Variants in EPB41L4A observed in about 807,000 individuals in gnomAD.
EPB41L4A encodes band 4.1-like protein 4A.
A neutral mutation model predicts 108.6 loss-of-function variants in EPB41L4A; 100 were observed. The ratio of observed to expected loss-of-function variants is 0.92; its 90% CI spans 0.78 to 1.09. The LOEUF (loss-of-function observed/expected upper bound fraction) is 1.09, where lower values mean the gene tolerates loss of function less well. Ranked by LOEUF, EPB41L4A falls within the 50% of genes least tolerant of loss-of-function variation. The probability of loss-of-function intolerance (pLI) is 0.00; values close to 1 mark genes in which losing one functional copy is unlikely to be tolerated. For missense variants in EPB41L4A, 1,030 were observed against 842.7 expected (o/e 1.22, Z -2.75); for synonymous variants, 319 against 289.0 (o/e 1.10, Z -1.05).
At chr5:112,154,708 T>C (rs866614292) in intron 12 of EPB41L4A, among the ~76,000 whole-genome samples, 3 of 152,288 alleles carry the variant, frequency 2.0e-5, no homozygotes, top group African/African-American at 4.8e-5. Context: ...AAATAAAATA[T>C]AACTTAATTA....
chr5:112,394,238 A>G (rs1761169355), intron 1 of EPB41L4A, among the ~76,000 whole-genome samples: 1 of 152,236 alleles, frequency 6.6e-6, no homozygotes, highest in Admixed American at 6.5e-5. Context: ...AGTTCTGGCC[A>G]GTGCAATCAG....
intron 1 of EPB41L4A, among the ~76,000 whole-genome samples, chr5:112,318,631 C>G (rs1054549139): frequency 2.0e-5 from 3 of 152,146 alleles, no homozygotes; most frequent in African/African-American, 7.2e-5. Flanking sequence ...CCCAGCCAAG[C>G]CTTGCTCACT....
intron 1 of EPB41L4A, among the ~76,000 whole-genome samples, chr5:112,321,129 A>G (rs1561569551): frequency 1.3e-5 from 2 of 152,122 alleles, no homozygotes; most frequent in Admixed American, 6.5e-5. Flanking sequence ...CTAGATGGAG[A>G]GGCAATTCTA....
chr5:112,358,674 T>C (rs773493463), intron 1 of EPB41L4A, among the ~76,000 whole-genome samples: 4 of 152,152 alleles, frequency 2.6e-5, no homozygotes, highest in African/African-American at 7.2e-5. Flanking sequence ...AACATACACC[T>C]ACCCTATGAT....
At chr5:112,182,301 G>A (rs928944024) in intron 18 of EPB41L4A, among the ~76,000 whole-genome samples, 7 of 151,926 alleles carry the variant, frequency 4.6e-5, no homozygotes, top group Admixed American at 3.3e-4. Context: ...ATGAACCTCC[G>A]ACCACTTGAC....
At chr5:112,155,874 C>G (rs1373892162) in intron 12 of EPB41L4A, among the ~76,000 whole-genome samples, 1 of 152,010 alleles carries the variant, frequency 6.6e-6, no homozygotes, top group East Asian at 1.9e-4. Flanking sequence ...GAAATGGGCT[C>G]TGTTTTTGAT....
intron 1 of EPB41L4A, among the ~76,000 whole-genome samples, chr5:112,408,280 A>G (rs1762197875): frequency 6.6e-6 from 1 of 152,206 alleles, no homozygotes; most frequent in Admixed American, 6.5e-5. Flanking sequence ...GTAAATCTTC[A>G]GGCCTTAGGT....
downstream of EPB41L4A, among the ~76,000 whole-genome samples, chr5:112,159,474 T>A (rs968224670): frequency 2.6e-5 from 4 of 152,226 alleles, no homozygotes; most frequent in African/African-American, 9.7e-5. Context: ...CTGCTTAATT[T>A]TTGTGGTGAT....
chr5:112,288,417 C>T (rs956232484), intron 2 of EPB41L4A, among the ~76,000 whole-genome samples: 1 of 152,144 alleles, frequency 6.6e-6, no homozygotes, highest in Non-Finnish European at 1.5e-5. Flanking sequence ...TAGGCAAAAT[C>T]CAGGCCGAGA....
chr5:112,288,037 C>A (rs1046491868), intron 2 of EPB41L4A, among the ~76,000 whole-genome samples: 6 of 152,142 alleles, frequency 3.9e-5, no homozygotes, highest in Non-Finnish European at 5.9e-5. Context: ...AACAATGCTG[C>A]AATTAAGAAA....
At position 112,332,315 on chromosome 5, in the gene EPB41L4A, G is replaced by C. The variant is rs201273560; in HGVS notation, c.100-24825C>G. Among the ~76,000 whole-genome samples, 14 of 152,284 alleles carry C rather than the reference G, an allele frequency of 9.2e-5. No individual in the cohort carries two copies. The East Asian group carries it at 2.3e-3, about 25-fold the overall frequency. On this transcript the variant is annotated intron_variant, in intron 1 of 22. Transcript: ENST00000261486. ...TTGATGAAACATACACCCTTAGGTGGGTAGTACTATTTGCATTATTTGAAG... is the reference window on the plus strand; with the variant it reads ...TTGATGAAACATACACCCTTAGGTGCGTAGTACTATTTGCATTATTTGAAG...
At chr5:112,401,859 G>A (rs1314544952) in intron 1 of EPB41L4A, among the ~76,000 whole-genome samples, 2 of 152,206 alleles carry the variant, frequency 1.3e-5, no homozygotes, top group Admixed American at 1.3e-4. Context: ...GGTTGCGTAT[G>A]ATTAGAAAAC....
At chr5:112,283,775 G>C (rs1753107244) in intron 2 of EPB41L4A, among the ~76,000 whole-genome samples, 1 of 152,092 alleles carries the variant, frequency 6.6e-6, no homozygotes, top group South Asian at 2.1e-4. Flanking sequence ...TCACAGCCCA[G>C]CAGGAGACAC....
At chr5:112,228,901 GA>G in intron 12 of EPB41L4A, 1 of 176,490 alleles carries the variant, frequency 5.7e-6, no homozygotes, top group East Asian at 1.9e-4. Context: ...CTTGATTCTG[GA>G]ATGTACTTCC....
downstream of EPB41L4A, chr5:112,161,894 A>G (rs1759929528): frequency 1.4e-5 from 3 of 215,060 alleles, no homozygotes; most frequent in South Asian, 5.9e-5. Flanking sequence ...CTCTGTCTGT[A>G]GCTATTAAGG....
At chr5:112,379,135 G>A (rs1471634659) in intron 1 of EPB41L4A, among the ~76,000 whole-genome samples, 3 of 152,166 alleles carry the variant, frequency 2.0e-5, no homozygotes, top group Admixed American at 6.5e-5. Context: ...CCCTGGGGGG[G>A]TCAAGCTAGC....
At chr5:112,287,827 G>A (rs1280598824) in intron 2 of EPB41L4A, among the ~76,000 whole-genome samples, 1 of 152,164 alleles carries the variant, frequency 6.6e-6, no homozygotes, top group Non-Finnish European at 1.5e-5. Context: ...TGTACCAAAC[G>A]AACTGGATGA....
intron 19 of EPB41L4A, 88 bp from the exon 20 acceptor site, chr5:112,170,457 C>G: frequency 2.4e-6 from 2 of 844,016 alleles, no homozygotes; most frequent in Non-Finnish European, 3.9e-6. Flanking sequence ...TTTTCCCTTT[C>G]TAATCTTGTC....
intron 1 of EPB41L4A, among the ~76,000 whole-genome samples, chr5:112,349,101 T>C (rs1328500783): frequency 6.6e-6 from 1 of 152,102 alleles, no homozygotes; most frequent in East Asian, 1.9e-4. Context: ...AAATCTGGCA[T>C]CGGAAGGTTG....
Sources: allele counts gnomAD v4.1 joint callset (sites outside exome capture counted in the v4.1 genomes callset), GRCh38; gene constraint gnomAD v4.1.1; transcripts MANE v1.5; gene names NCBI Gene and HGNC (gene_info 2026-07-23, HGNC 2026-07-21).